Variants in AOAH observed in about 807,000 individuals in gnomAD.
The protein encoded by AOAH is acyloxyacyl hydrolase, also known as acyloxyacyl hydrolase (neutrophil).
In AOAH, 64 loss-of-function variants were observed where a neutral mutation model predicts 92.2. The observed-to-expected ratio is 0.69, with a 90% CI of 0.57 to 0.86. AOAH has a LOEUF of 0.86. Ranked by LOEUF, AOAH falls within the 40% of genes least tolerant of loss-of-function variation. AOAH has a pLI of 0.00. For missense variants in AOAH, 656 were observed against 694.6 expected (o/e 0.94, Z 0.62); for synonymous variants, 263 against 254.5 (o/e 1.03, Z -0.32).
At chr7:36,700,844 T>C (rs751428293) in intron 1 of AOAH, among the ~76,000 whole-genome samples, 31 of 152,212 alleles carry the variant, frequency 2.0e-4, no homozygotes, top group Non-Finnish European at 4.1e-4. Flanking sequence ...TTTCAACATC[T>C]GTTATGTTTT....
intron 1 of AOAH, among the ~76,000 whole-genome samples, chr7:36,693,888 T>C (rs1427221420): frequency 2.0e-5 from 3 of 152,216 alleles, no homozygotes; most frequent in African/African-American, 7.2e-5. Flanking sequence ...CTGAGAAACA[T>C]GTTTACTTGA....
intron 1 of AOAH, among the ~76,000 whole-genome samples, chr7:36,723,283 T>C (rs919391265): frequency 2.0e-5 from 3 of 152,138 alleles, no homozygotes; most frequent in Admixed American, 1.3e-4. Flanking sequence ...TCCCATGTTA[T>C]GAGAGCTACA....
At chr7:36,635,187 C>T (rs549414214) in intron 5 of AOAH, among the ~76,000 whole-genome samples, 1 of 152,296 alleles carries the variant, frequency 6.6e-6, no homozygotes, top group East Asian at 1.9e-4. Context: ...CTCAGCAATA[C>T]ATTTAAAATA....
At chr7:36,632,208 C>A in intron 5 of AOAH, 102 bp from the exon 6 acceptor site, 1 of 920,216 alleles carries the variant, frequency 1.1e-6, no homozygotes. Context: ...GATCCTCCTT[C>A]CTCTAGAATC....
At chr7:36,612,349 A>T (rs1408112055) in intron 11 of AOAH, among the ~76,000 whole-genome samples, 1 of 152,214 alleles carries the variant, frequency 6.6e-6, no homozygotes, top group Non-Finnish European at 1.5e-5. Context: ...ATTATCATAA[A>T]CATATTTCTT....
At chr7:36,670,981 C>G (rs1176239782) in intron 3 of AOAH, among the ~76,000 whole-genome samples, 3 of 152,156 alleles carry the variant, frequency 2.0e-5, no homozygotes, top group African/African-American at 7.2e-5. Flanking sequence ...CGGTAACTCC[C>G]AGCACACTGC....
At chr7:36,539,008 G>A (rs942668211) in intron 16 of AOAH, among the ~76,000 whole-genome samples, 2 of 152,196 alleles carry the variant, frequency 1.3e-5, no homozygotes, top group Admixed American at 1.3e-4. Context: ...TTTCCCAGGT[G>A]GGGAGAGGCG....
intron 17 of AOAH, 23 bp from the exon 18 acceptor site, chr7:36,532,229 G>T: frequency 6.2e-7 from 1 of 1,614,208 alleles, no homozygotes; most frequent in Non-Finnish European, 8.5e-7. Flanking sequence ...AAACACTTTT[G>T]ATTACAGAGG....
chr7:36,616,572 A>C, intron 10 of AOAH, 98 bp from the exon 11 acceptor site: 1 of 947,590 alleles, frequency 1.1e-6, no homozygotes, highest in East Asian at 2.6e-5. Flanking sequence ...TGTGTATTCC[A>C]GGCACCGAGC....
At chr7:36,675,368 G>T (rs1463366086) in intron 2 of AOAH, among the ~76,000 whole-genome samples, 1 of 152,170 alleles carries the variant, frequency 6.6e-6, no homozygotes, top group South Asian at 2.1e-4. Flanking sequence ...GTTATGAACA[G>T]GTGCATGGCA....
intron 11 of AOAH, chr7:36,600,096 C>G (rs543929476): frequency 2.0e-5 from 3 of 152,358 alleles, no homozygotes; most frequent in African/African-American, 7.2e-5. Flanking sequence ...TTGCATTAAG[C>G]GAGAGTGGGG....
chr7:36,550,647 C>T (rs1372226369), intron 13 of AOAH, among the ~76,000 whole-genome samples: 1 of 152,188 alleles, frequency 6.6e-6, no homozygotes, highest in African/African-American at 2.4e-5. Flanking sequence ...TAACCCAAAC[C>T]AGTGTACTGT....
chr7:36,654,146 G>C (rs4427069), intron 4 of AOAH, among the ~76,000 whole-genome samples: 81,789 of 131,760 alleles, frequency 0.62, 24,747 homozygotes, highest in African/African-American at 0.85. Context: ...CACACACACA[G>C]CAGCAGCAAT....
intron 4 of AOAH, among the ~76,000 whole-genome samples, chr7:36,649,704 T>C (rs1794451020): frequency 6.6e-6 from 1 of 152,146 alleles, no homozygotes; most frequent in Non-Finnish European, 1.5e-5. Context: ...AATCTTGCAA[T>C]TGCACTCTCT....
chr7:36,528,250 C>T lies in AOAH; in HGVS notation c.1522+2168G>A, dbSNP rs775759941. On this transcript the variant is annotated intron_variant, in intron 19 of 20. Transcript: ENST00000617537. ...AGTTCCTTGAACTGTTGATGGGAATCGCCAAGCATGGAGAAATGCCTAGGA... is the reference window on the plus strand; with the variant it reads ...AGTTCCTTGAACTGTTGATGGGAATTGCCAAGCATGGAGAAATGCCTAGGA... 7.4e-4 allele frequency among the ~76,000 whole-genome samples: 112 copies of T among 152,354 alleles called. 1 individual carries two copies. The highest frequency in any genetic ancestry group is 2.1e-4 in the South Asian group (1 of 4,826).
intron 2 of AOAH, among the ~76,000 whole-genome samples, chr7:36,680,705 G>A (rs1796592601): frequency 6.6e-6 from 1 of 152,198 alleles, no homozygotes; most frequent in Non-Finnish European, 1.5e-5. Context: ...CCTTTAACCT[G>A]AACTGAGTGT....
rs117214101 is a variant in AOAH at position 36,531,335 on chromosome 7, T to C, written c.1425+812A>G. Among the ~76,000 whole-genome samples the C allele has an allele frequency of 5.2e-3, 788 of 152,194 alleles. 5 individuals are homozygous for C. The highest frequency in any genetic ancestry group is 8.1e-3 in the Non-Finnish European group (549 of 68,012). On this transcript the variant is annotated intron_variant, in intron 18 of 20. Transcript: ENST00000617537. ...TTTTATGTAAAAAATGTTCAATAAGTCTTTTGTCTGTTTGTTCATTTTTGT... is the reference window on the plus strand; with the variant it reads ...TTTTATGTAAAAAATGTTCAATAAGCCTTTTGTCTGTTTGTTCATTTTTGT...
chr7:36,558,968 G>A (rs904262614), intron 13 of AOAH, among the ~76,000 whole-genome samples: 2 of 152,250 alleles, frequency 1.3e-5, no homozygotes, highest in Non-Finnish European at 2.9e-5. Flanking sequence ...CTCGCACATG[G>A]TGCGCTGCAC....
intron 20 of AOAH, among the ~76,000 whole-genome samples, chr7:36,519,619 G>A (rs560152954): frequency 2.0e-5 from 3 of 152,220 alleles, no homozygotes; most frequent in South Asian, 4.1e-4. Context: ...TAGTAGAGAC[G>A]GGGTTTCTGC....
Sources: allele counts gnomAD v4.1 joint callset (sites outside exome capture counted in the v4.1 genomes callset), GRCh38; gene constraint gnomAD v4.1.1; transcripts MANE v1.5; gene names NCBI Gene and HGNC (gene_info 2026-07-23, HGNC 2026-07-21).